DLGAP1: variants seen among roughly 807,000 people sequenced by gnomAD.
DLGAP1 encodes disks large-associated protein 1.
Under a neutral mutation model 90.8 loss-of-function variants are expected in DLGAP1, and 11 were observed. The ratio of observed to expected loss-of-function variants is 0.12; its 90% CI spans 0.08 to 0.20. The LOEUF is 0.20. Among genes scored for constraint, DLGAP1 ranks in the 10% least tolerant of loss-of-function variants. The pLI is 1.00. For missense variants in DLGAP1, 1,050 were observed against 1,333.8 expected (o/e 0.79, Z 3.31); for synonymous variants, 558 against 540.7 (o/e 1.03, Z -0.44).
At chr18:4,045,163 A>C (rs180820961) in intron 2 of DLGAP1, among the ~76,000 whole-genome samples, 27 of 152,090 alleles carry the variant, frequency 1.8e-4, no homozygotes, top group Non-Finnish European at 3.2e-4. Context: ...CTCATCTCCT[A>C]CTAACTTAAC....
intron 5 of DLGAP1, among the ~76,000 whole-genome samples, chr18:3,788,569 C>T (rs1277197866): frequency 6.6e-6 from 1 of 152,204 alleles, no homozygotes; most frequent in Non-Finnish European, 1.5e-5. Context: ...TTAGGTTCAT[C>T]TGGCAAATGG....
At chr18:4,176,096 A>G (rs1305307245) in intron 1 of DLGAP1, among the ~76,000 whole-genome samples, 1 of 151,984 alleles carries the variant, frequency 6.6e-6, no homozygotes, top group Non-Finnish European at 1.5e-5. Flanking sequence ...GTCCTCTCTT[A>G]TTTCCTTGAG....
intron 1 of DLGAP1, among the ~76,000 whole-genome samples, chr18:4,389,082 A>G (rs1240293457): frequency 6.6e-6 from 1 of 152,206 alleles, no homozygotes; most frequent in Admixed American, 6.5e-5. Flanking sequence ...AGCACTATTC[A>G]CAATAACTAA....
intron 3 of DLGAP1, among the ~76,000 whole-genome samples, chr18:3,898,886 A>G (rs2071719449): frequency 6.6e-6 from 1 of 152,036 alleles, no homozygotes; most frequent in Admixed American, 6.6e-5. Flanking sequence ...TACATACATC[A>G]TCTACACTTT....
At chr18:3,778,731 G>A (rs2065047539) in intron 5 of DLGAP1, among the ~76,000 whole-genome samples, 1 of 152,148 alleles carries the variant, frequency 6.6e-6, no homozygotes, top group African/African-American at 2.4e-5. Context: ...ATGGATACGG[G>A]AAAGAGGAAG....
chr18:3,712,347 G>A (rs1054580970), intron 7 of DLGAP1, among the ~76,000 whole-genome samples: 1 of 152,190 alleles, frequency 6.6e-6, no homozygotes, highest in Non-Finnish European at 1.5e-5. Flanking sequence ...CAGCTCACCC[G>A]TCTCTGTCCT....
chr18:3,866,695 CATA>C (rs1339555660), intron 4 of DLGAP1, among the ~76,000 whole-genome samples: 1 of 152,120 alleles, frequency 6.6e-6, no homozygotes, highest in African/African-American at 2.4e-5. Context: ...TAAAGAAAGG[CATA>C]ATGAGATGCT....
intron 2 of DLGAP1, among the ~76,000 whole-genome samples, chr18:4,064,708 C>T (rs1277175641): frequency 6.6e-6 from 1 of 151,716 alleles, no homozygotes; most frequent in African/African-American, 2.4e-5. Context: ...AAATAGCCTA[C>T]CAATAAAAAA....
intron 1 of DLGAP1, chr18:4,293,194 A>C (rs1244842913): frequency 6.6e-6 from 1 of 152,220 alleles, no homozygotes; most frequent in African/African-American, 2.4e-5. Flanking sequence ...CAAAGGTGGG[A>C]TCCGGTTCCA....
chr18:3,594,380 TA>T (rs1443726944), intron 7 of DLGAP1: 1 of 122,736 alleles, frequency 8.1e-6, no homozygotes, highest in Non-Finnish European at 1.6e-5. Flanking sequence ...CAAAAGTCTG[TA>T]AAAAACAAAA....
At chr18:3,712,401 G>A (rs1268339757) in intron 7 of DLGAP1, among the ~76,000 whole-genome samples, 2 of 151,928 alleles carry the variant, frequency 1.3e-5, no homozygotes, top group Admixed American at 6.5e-5. Flanking sequence ...GCACTTGGCC[G>A]AGGCCTAGAT....
At chr18:4,155,736 G>A (rs2076745514) in intron 1 of DLGAP1, among the ~76,000 whole-genome samples, 1 of 152,122 alleles carries the variant, frequency 6.6e-6, no homozygotes, top group Admixed American at 6.5e-5. Context: ...GTGCTGTGGG[G>A]AAGTGGAAGA....
At chr18:4,396,615 C>T (rs1226110899) in intron 1 of DLGAP1, among the ~76,000 whole-genome samples, 2 of 152,140 alleles carry the variant, frequency 1.3e-5, no homozygotes, top group African/African-American at 4.8e-5. Context: ...CATGTTCTTC[C>T]CTCTCAAGAG....
chr18:4,312,039 C>T (rs1194894913), intron 1 of DLGAP1, among the ~76,000 whole-genome samples: 1 of 152,044 alleles, frequency 6.6e-6, no homozygotes, highest in Admixed American at 6.6e-5. Flanking sequence ...GTAGTAGAGA[C>T]AGGATTTCAC....
In DLGAP1 at chr18:3,729,527, T is replaced by C; in HGVS notation, c.1351-152A>G. On this transcript the variant is annotated intron_variant, in intron 6 of 12. Coordinates refer to ENST00000315677, the MANE Select transcript of DLGAP1 (RefSeq NM_004746.4). This position sits in a 1 kb window ranked among gnomAD's most constrained non-coding sequence, Gnocchi z 6.2. ...TTTATTTCCTTTCTGTTACAGGCTA[T>C]AATTGAATGGCATCCGCTTATAATT... 5 of 1,075,302 alleles carry C rather than the reference T, an allele frequency of 4.6e-6. No homozygotes were observed. The highest frequency in any genetic ancestry group is 6.6e-6 in the Non-Finnish European group (5 of 760,474). The allele number at this position is 1,075,302 out of a possible 1,614,324, so 66.6% of individuals were successfully genotyped here.
intron 9 of DLGAP1, among the ~76,000 whole-genome samples, chr18:3,536,818 C>T (rs889711266): frequency 2.0e-5 from 3 of 152,018 alleles, no homozygotes; most frequent in Admixed American, 6.6e-5. Flanking sequence ...CTGAACCCTG[C>T]GATGAAGGGG....
chr18:3,972,163 A>G (rs2073463284), intron 3 of DLGAP1, among the ~76,000 whole-genome samples: 1 of 152,118 alleles, frequency 6.6e-6, no homozygotes, highest in Non-Finnish European at 1.5e-5. Context: ...GAGTTTATAA[A>G]CTATATAATA....
At chr18:4,372,913 G>A (rs1268488483) in intron 1 of DLGAP1, among the ~76,000 whole-genome samples, 1 of 151,314 alleles carries the variant, frequency 6.6e-6, no homozygotes, top group Non-Finnish European at 1.5e-5. Context: ...GGGCCACAGA[G>A]CGAGACTCCA....
chr18:3,790,021 G>A (rs2065651609), intron 5 of DLGAP1, among the ~76,000 whole-genome samples: 1 of 152,124 alleles, frequency 6.6e-6, no homozygotes, highest in Non-Finnish European at 1.5e-5. Flanking sequence ...GTTCTTCATG[G>A]CTTTCAAATA....
Sources: allele counts gnomAD v4.1 joint callset (sites outside exome capture counted in the v4.1 genomes callset), GRCh38; gene constraint gnomAD v4.1.1; non-coding constraint Gnocchi (gnomAD v3.1); transcripts MANE v1.5; gene names NCBI Gene and HGNC (gene_info 2026-07-23, HGNC 2026-07-21).